C5: variants seen among roughly 807,000 people sequenced by gnomAD.
The protein encoded by C5 is complement C5.
A neutral mutation model predicts 218.8 loss-of-function variants in C5; 140 were observed. The observed-to-expected ratio is 0.64, with a 90% CI of 0.56 to 0.74. The LOEUF (loss-of-function observed/expected upper bound fraction) is 0.74. Among genes scored for constraint, C5 ranks in the 30% least tolerant of loss-of-function variants. C5 has a pLI of 0.00. For missense variants in C5, 1,700 were observed against 1,969.6 expected, an observed-to-expected ratio of 0.86 and a Z score of 2.59; for synonymous variants, 614 against 682.3, an observed-to-expected ratio of 0.90 and a Z score of 1.56.
At chr9:120,976,610 G>T in intron 29 of C5, 90 bp downstream of exon 29, 2 of 1,011,048 alleles carry the variant, frequency 2.0e-6, no homozygotes, top group Non-Finnish European at 3.2e-6. Context: ...ATGCTCATTT[G>T]GTGGACAAAG....
intron 1 of C5, 77 bp from the exon 2 acceptor site, chr9:121,046,460 C>G: frequency 1.0e-6 from 1 of 985,266 alleles, no homozygotes; most frequent in Non-Finnish European, 1.6e-6. Context: ...TTTTCTCTCA[C>G]TTGAGAGATT....
At chr9:121,070,932 T>C in the C5 span, among the ~76,000 whole-genome samples, 1 of 152,188 alleles carries the variant, frequency 6.6e-6, no homozygotes, top group Non-Finnish European at 1.5e-5. Context: ...GATATGCTAA[T>C]TACTCCAACC....
chr9:121,023,571 G>GT, intron 9 of C5, 52 bp from the exon 10 acceptor site: 4 of 968,996 alleles, frequency 4.1e-6, no homozygotes, highest in Non-Finnish European at 6.8e-6. Flanking sequence ...ATCATGATCT[G>GT]TATGGATATC....
rs576879239 is a variant in C5, at chr9:120,969,127, T to C, written c.4163-9A>G. On this transcript the variant is annotated splice_polypyrimidine_tract_variant and intron_variant, in intron 32 of 40. Coordinates refer to ENST00000223642, the MANE Select transcript of C5 (RefSeq NM_001735.3). ...GCCTCTGTAGTGGGATGCTGGCACA[T>C]AAGACAAGAAAACAAACAGACAAAT... is the stretch of plus-strand genomic sequence containing the variant. 6 of 1,612,758 alleles carry C rather than the reference T, an allele frequency of 3.7e-6. No individual in the cohort carries two copies. The highest frequency in any genetic ancestry group is 1.7e-5 in the Admixed American group (1 of 60,004).
intron 17 of C5, 81 bp downstream of exon 17, chr9:121,013,790 TGA>T (rs377179590): frequency 3.0e-5 from 36 of 1,200,604 alleles, no homozygotes; most frequent in African/African-American, 2.1e-4. Flanking sequence ...AAATAGATCA[TGA>T]AAACTGCCTT....
At chr9:121,046,106 T>C (rs1564166188) in intron 2 of C5, 85 bp downstream of exon 2, 1 of 664,726 alleles carries the variant, frequency 1.5e-6, no homozygotes. Flanking sequence ...TAAATCTATA[T>C]GTTATCAATA....
At chr9:121,030,271 T>G in intron 7 of C5, 126 bp downstream of exon 7, 1 of 598,518 alleles carries the variant, frequency 1.7e-6, no homozygotes, top group East Asian at 2.9e-5. Context: ...CTTTATCAAT[T>G]AGTCCCCAAA....
chr9:121,067,300 C>T, the C5 span, among the ~76,000 whole-genome samples: 28 of 151,212 alleles, frequency 1.9e-4, 1 homozygote, highest in African/African-American at 4.9e-4. Context: ...CGGTGGCTCA[C>T]GCCTGTAATT....
In C5 at chr9:121,015,343, G is replaced by A. The variant is rs1353561953; in HGVS notation, c.1997-82C>T. 16 of 875,614 alleles carry A rather than the reference G, an allele frequency of 1.8e-5. No homozygotes were observed. In the Admixed American group the frequency reaches 2.1e-4, roughly 12 times the overall value. The allele number at this position is 875,614 out of a possible 1,614,324, so 54.2% of individuals were successfully genotyped here. ...AAAAAAATTCCATGAAACTATTTAAGTATTTAGAGCCTTCACAAGTCATTC... is the reference window on the plus strand; with the variant it reads ...AAAAAAATTCCATGAAACTATTTAAATATTTAGAGCCTTCACAAGTCATTC... On this transcript the variant is annotated intron_variant, in intron 15 of 40. Coordinates refer to ENST00000223642, the MANE Select transcript of C5 (RefSeq NM_001735.3).
chr9:120,953,480 G>A (rs1291919828), intron 40 of C5, among the ~76,000 whole-genome samples: 1 of 152,180 alleles, frequency 6.6e-6, no homozygotes, highest in Admixed American at 6.5e-5. Context: ...CTGGTGTGGT[G>A]GTTAGGGGAG....
chr9:121,026,754 CA>C (rs1289499181), intron 8 of C5, among the ~76,000 whole-genome samples: 1 of 152,084 alleles, frequency 6.6e-6, no homozygotes, highest in Non-Finnish European at 1.5e-5. Flanking sequence ...GTAGAAGAGT[CA>C]GGGGAGGCTT....
chr9:120,975,326 T>C (rs1360111634), intron 29 of C5, among the ~76,000 whole-genome samples: 1 of 152,204 alleles, frequency 6.6e-6, no homozygotes, highest in Non-Finnish European at 1.5e-5. Context: ...TAAGGTTCCC[T>C]TTTTGCCCTT....
chr9:121,039,683 T>G (rs1425308787), intron 3 of C5, among the ~76,000 whole-genome samples: 1 of 152,110 alleles, frequency 6.6e-6, no homozygotes, highest in Non-Finnish European at 1.5e-5. Flanking sequence ...TAAAAAAAGT[T>G]TGAATGCCAG....
At chr9:121,032,227 G>A in intron 5 of C5, 32 bp from the exon 6 acceptor site, 3 of 1,287,352 alleles carry the variant, frequency 2.3e-6, no homozygotes, top group Non-Finnish European at 3.4e-6. Context: ...AATTATAGAT[G>A]TCATCAAATG....
rs376245744 is a variant in C5 at position 120,962,686 on chromosome 9, C to T, written c.4489G>A (p.Glu1497Lys). Residue 1497 changes from glutamate to lysine, a missense_variant, in exon 36 of 41, where the codon GAA becomes AAA. Coordinates refer to ENST00000223642, the MANE Select transcript of C5 (RefSeq NM_001735.3). The part of the protein sequence containing the change: ...FLSPATFTVY[E>K]YHRPDKQCTM... ...AGTTGATTACCTGGTCTGTGGTATT[C>T]GTACACTGTGAAAGTGGCAGGACTG... is the stretch of plus-strand genomic sequence containing the variant. 2.3e-5 allele frequency: 37 copies of T among 1,610,182 alleles called. No individual in the cohort carries two copies. Among genetic ancestry groups the T allele is most frequent in the African/African-American group, 6.7e-5 (5 of 74,818 alleles).
intron 27 of C5, among the ~76,000 whole-genome samples, chr9:120,980,629 C>T (rs2046985533): frequency 6.6e-6 from 1 of 152,164 alleles, no homozygotes; most frequent in Non-Finnish European, 1.5e-5. Context: ...CTCGCTCTGT[C>T]GCCCAGGCTG....
intron 16 of C5, among the ~76,000 whole-genome samples, chr9:121,014,729 G>A (rs940662219): frequency 5.3e-5 from 8 of 151,990 alleles, no homozygotes; most frequent in Admixed American, 2.0e-4. Flanking sequence ...GTAACATGAC[G>A]AATTATCATA....
intron 2 of C5, among the ~76,000 whole-genome samples, chr9:121,044,445 C>T (rs1297079355): frequency 2.0e-5 from 3 of 152,142 alleles, no homozygotes; most frequent in Non-Finnish European, 4.4e-5. Flanking sequence ...CACTGTCTTC[C>T]AGCCTGGGTG....
chr9:121,017,908 A>C, intron 12 of C5, 56 bp from the exon 13 acceptor site: 5 of 1,131,582 alleles, frequency 4.4e-6, no homozygotes, highest in Non-Finnish European at 6.7e-6. Flanking sequence ...CAAAAACAAA[A>C]CCTGTGCTTT....
Sources: allele counts gnomAD v4.1 joint callset (sites outside exome capture counted in the v4.1 genomes callset), GRCh38; gene constraint gnomAD v4.1.1; transcripts MANE v1.5; gene names NCBI Gene and HGNC (gene_info 2026-07-23, HGNC 2026-07-21).